CYTH3: variants seen among roughly 807,000 people sequenced by gnomAD.
CYTH3 encodes the protein cytohesin-3.
In CYTH3, 23 loss-of-function variants were observed where a neutral mutation model predicts 55.1. The observed-to-expected ratio is 0.42, with a 90% CI of 0.30 to 0.59. The LOEUF (loss-of-function observed/expected upper bound fraction) is 0.59, where lower values mean the gene tolerates loss of function less well. CYTH3 is among the 20% of genes least tolerant of loss of function. The pLI, the probability that CYTH3 is intolerant of heterozygous loss-of-function variation, is 0.20. For missense variants in CYTH3, 413 were observed against 524.8 expected (o/e 0.79, Z 2.08); for synonymous variants, 249 against 194.9 (o/e 1.28, Z -2.31).
chr7:6,214,798 G>A (rs980119917), intron 1 of CYTH3, among the ~76,000 whole-genome samples: 3 of 152,130 alleles, frequency 2.0e-5, no homozygotes, highest in African/African-American at 7.2e-5. Flanking sequence ...TAATATCAAA[G>A]TACCAACTAT....
intron 3 of CYTH3, 146 bp from the exon 4 acceptor site, chr7:6,187,262 T>C: frequency 1.3e-6 from 1 of 766,680 alleles, no homozygotes; most frequent in Admixed American, 2.4e-5. Context: ...GTCTCCGCAG[T>C]GGCGGCAGGG....
chr7:6,244,155 C>T (rs990155597), intron 1 of CYTH3, among the ~76,000 whole-genome samples: 2 of 152,108 alleles, frequency 1.3e-5, no homozygotes, highest in Non-Finnish European at 2.9e-5. Flanking sequence ...CTGTCAAAGT[C>T]GGACACTTTC....
chr7:6,200,086 T>C (rs1784024238), intron 1 of CYTH3, among the ~76,000 whole-genome samples: 1 of 152,232 alleles, frequency 6.6e-6, no homozygotes, highest in Non-Finnish European at 1.5e-5. Flanking sequence ...TTAAAATGTA[T>C]AATTTGTATC....
chr7:6,204,426 A>G (rs911672896), intron 1 of CYTH3, among the ~76,000 whole-genome samples: 3 of 152,136 alleles, frequency 2.0e-5, no homozygotes, highest in Non-Finnish European at 2.9e-5. Context: ...TTCAAAAGAG[A>G]GCAGTGAAGC....
chr7:6,250,817 T>C lies in CYTH3; in HGVS notation c.34+21657A>G, dbSNP rs137867348. On this transcript the variant is annotated intron_variant, in intron 1 of 12. Coordinates refer to ENST00000350796, the MANE Select transcript of CYTH3 (RefSeq NM_004227.4). ...CAATTGTGTAATTTAAAAGGATGAC[T>C]ATAATGGCATGTGGATTATAGTGAT... 6.5e-3 allele frequency among the ~76,000 whole-genome samples: 990 copies of C among 152,350 alleles called. 10 individuals carry two copies. Among genetic ancestry groups the C allele is most frequent in the African/African-American group, 0.022 (924 of 41,578 alleles).
chr7:6,209,447 T>C (rs760490401), intron 1 of CYTH3, among the ~76,000 whole-genome samples: 17 of 152,224 alleles, frequency 1.1e-4, no homozygotes, highest in Non-Finnish European at 2.2e-4. Flanking sequence ...AGATCAAACC[T>C]GAATAAAGTT....
chr7:6,242,537 C>T (rs1006155725), intron 1 of CYTH3, among the ~76,000 whole-genome samples: 5 of 149,448 alleles, frequency 3.3e-5, no homozygotes, highest in African/African-American at 1.2e-4. Flanking sequence ...TCACCACACC[C>T]GGCTAATTTT....
At chr7:6,235,417 C>T (rs1297243307) in intron 1 of CYTH3, among the ~76,000 whole-genome samples, 2 of 149,106 alleles carry the variant, frequency 1.3e-5, no homozygotes, top group African/African-American at 5.0e-5. Flanking sequence ...AGGGTGCAGT[C>T]AGCCAAGATT....
intron 1 of CYTH3, among the ~76,000 whole-genome samples, chr7:6,204,292 T>G (rs1335040756): frequency 6.6e-6 from 1 of 152,124 alleles, no homozygotes; most frequent in Non-Finnish European, 1.5e-5. Flanking sequence ...AAAGGATTGG[T>G]GTAGTGGAGA....
At chr7:6,188,846 G>C (rs188417443) in intron 2 of CYTH3, 1 of 152,144 alleles carries the variant, frequency 6.6e-6, no homozygotes, top group Admixed American at 6.5e-5. Context: ...TTCAACCAGA[G>C]ACCAATTCTG....
chr7:6,173,825 T>C, intron 5 of CYTH3, 92 bp from the exon 6 acceptor site: 1 of 790,426 alleles, frequency 1.3e-6, no homozygotes, highest in Non-Finnish European at 2.2e-6. Context: ...CTATGAACGT[T>C]CATGCACAAG....
Position 6,170,783 on chromosome 7 carries a change from G to A in CYTH3, c.711+47C>T. Reference sequence around the variant, plus strand: ...GCCGCGGGCGCTGCGGCCGCTCACAGCGAAGAGATCCTGCAGACGGCAGCG... The same window carrying A: ...GCCGCGGGCGCTGCGGCCGCTCACAACGAAGAGATCCTGCAGACGGCAGCG... On this transcript the variant is annotated intron_variant, in intron 8 of 12. Transcript: ENST00000350796. The surrounding 1 kb of genome is among the most constrained non-coding windows in gnomAD (Gnocchi z 7.8). The A allele has an allele frequency of 1.3e-6, 2 of 1,589,818 alleles. No individual in the cohort carries two copies. Among genetic ancestry groups the A allele is most frequent in the Non-Finnish European group, 8.6e-7 (1 of 1,167,834 alleles).
At chr7:6,213,982 T>C (rs917365791) in intron 1 of CYTH3, among the ~76,000 whole-genome samples, 10 of 152,276 alleles carry the variant, frequency 6.6e-5, no homozygotes, top group African/African-American at 1.9e-4. Flanking sequence ...GGGAAAGCAG[T>C]GTCACAGACT....
chr7:6,235,544 G>A (rs1057320826), intron 1 of CYTH3, among the ~76,000 whole-genome samples: 13 of 151,194 alleles, frequency 8.6e-5, no homozygotes, highest in Non-Finnish European at 1.3e-4. Flanking sequence ...TATTTCCACA[G>A]CATCCTCACG....
At chr7:6,212,001 A>G (rs558679613) in intron 1 of CYTH3, among the ~76,000 whole-genome samples, 1 of 152,248 alleles carries the variant, frequency 6.6e-6, no homozygotes, top group African/African-American at 2.4e-5. Flanking sequence ...TAAATAAATA[A>G]ATAAATAAAA....
chr7:6,185,003 C>A (rs1401828002), intron 4 of CYTH3, among the ~76,000 whole-genome samples: 2 of 152,162 alleles, frequency 1.3e-5, no homozygotes, highest in African/African-American at 4.8e-5. Context: ...AACATAAGAC[C>A]CAGTTCTGAG....
rs1562418135 is a variant in CYTH3 at position 6,259,817 on chromosome 7, T to TATATATAATATATATATATA, written c.34+12656_34+12657insTATATATATATATTATATAT. ...TATATATATATATATATATATAATA[T>TATATATAATATATATATATA]ATATATATATATATATTTTTTTTTT... On this transcript the variant is annotated intron_variant, in intron 1 of 12. Transcript: ENST00000350796. Among the ~76,000 whole-genome samples, 57 of 26,088 alleles carry TATATATAATATATATATATA rather than the reference T, an allele frequency of 2.2e-3. 1 individual carries two copies. In the African/African-American group the frequency reaches 0.022, roughly 10 times the overall value. 17.1% of individuals were successfully genotyped at this position (26,088 alleles called of 152,430 possible). A position where few individuals can be genotyped will look rare whatever the true frequency, so the allele number is the denominator to read the frequency against.
At chr7:6,271,205 A>G (rs1360495410) in intron 1 of CYTH3, among the ~76,000 whole-genome samples, 3 of 152,144 alleles carry the variant, frequency 2.0e-5, no homozygotes, top group Admixed American at 6.5e-5. Context: ...AGCTTCAACT[A>G]TAAGAACTGA....
chr7:6,199,873 A>G (rs528597516), intron 1 of CYTH3, among the ~76,000 whole-genome samples: 1 of 152,260 alleles, frequency 6.6e-6, no homozygotes, highest in African/African-American at 2.4e-5. Context: ...AGCACACGTT[A>G]TAAGCTGCTT....
Sources: gnomAD v4.1 joint callset for allele counts (sites outside exome capture counted in the v4.1 genomes callset) on GRCh38, gnomAD v4.1.1 for gene constraint, Gnocchi (gnomAD v3.1) non-coding constraint, MANE v1.5 for transcripts, NCBI Gene and HGNC (gene_info 2026-07-23, HGNC 2026-07-21) for gene names.